The following CAAP1 variants were observed in gnomAD, a reference collection of about 807,000 sequenced individuals.
The protein encoded by CAAP1 is conserved anti-apoptotic protein.
In CAAP1, 20 loss-of-function variants were observed where a neutral mutation model predicts 34.0. The ratio of observed to expected loss-of-function variants is 0.59; its 90% CI spans 0.41 to 0.86. The LOEUF is 0.86. Ranked by LOEUF, CAAP1 falls within the 40% of genes least tolerant of loss-of-function variation. The pLI is 0.00. For missense variants in CAAP1, 538 were observed against 450.5 expected (o/e 1.19, Z -1.76); for synonymous variants, 213 against 166.7 (o/e 1.28, Z -2.14).
chr9:26,878,323 A>G (rs1436763100), intron 4 of CAAP1, among the ~76,000 whole-genome samples: 3 of 152,168 alleles, frequency 2.0e-5, no homozygotes, highest in Non-Finnish European at 4.4e-5. Flanking sequence ...TTATATATGT[A>G]TTCATGCATG....
intron 5 of CAAP1, among the ~76,000 whole-genome samples, chr9:26,844,785 C>T (rs1162064791): frequency 6.6e-6 from 1 of 152,194 alleles, no homozygotes; most frequent in African/African-American, 2.4e-5. Context: ...ATTCCCTGAA[C>T]CTAACCATTG....
chr9:26,888,048 C>G (rs950900290), intron 1 of CAAP1, among the ~76,000 whole-genome samples: 2 of 152,230 alleles, frequency 1.3e-5, no homozygotes, highest in African/African-American at 4.8e-5. Flanking sequence ...TCTCCCAACT[C>G]TATCCAGTCT....
In CAAP1 at chr9:26,841,720, A is replaced by G. The variant is rs1326772987; in HGVS notation, c.*581T>C. The stretch of plus-strand genomic sequence containing the variant: ...ATTAAACATGGGCAATTAGTTCTAC[A>G]TAGTTAAAAATTGCCTTAAATTAAT... On this transcript the variant is annotated 3_prime_UTR_variant, in exon 6 of 6. Coordinates refer to ENST00000333916, the MANE Select transcript of CAAP1 (RefSeq NM_024828.4). 5.2e-5 allele frequency: 8 copies of G among 152,766 alleles called. No individual in the cohort carries two copies. In the East Asian group the frequency reaches 1.5e-3, roughly 29 times the overall value. The allele number at this position is 152,766 out of a possible 1,614,324, so 9.5% of individuals were successfully genotyped here. A position where few individuals can be genotyped will look rare whatever the true frequency, so the allele number is the denominator to read the frequency against.
intron 4 of CAAP1, among the ~76,000 whole-genome samples, chr9:26,876,927 G>A (rs1414233239): frequency 6.6e-6 from 1 of 152,134 alleles, no homozygotes. Flanking sequence ...TCCAAGGTGG[G>A]AAGATCACTT....
At chr9:26,867,413 C>A (rs1294648916) in intron 4 of CAAP1, among the ~76,000 whole-genome samples, 1 of 151,982 alleles carries the variant, frequency 6.6e-6, no homozygotes, top group Admixed American at 6.6e-5. Flanking sequence ...TTAGAGCCCA[C>A]AAAAACAATA....
rs267602203 is a variant in CAAP1, at chr9:26,842,555, C to T, written c.832G>A (p.Glu278Lys). 4.3e-6 allele frequency: 7 copies of T among 1,614,134 alleles called. No individual in the cohort carries two copies. Among genetic ancestry groups the T allele is most frequent in the East Asian group, 2.2e-5 (1 of 44,878 alleles). Residue 278 changes from glutamate to lysine, a missense_variant, in exon 6 of 6, where the codon GAG (glutamate) becomes AAG (lysine). By Grantham distance (56) the Glu-to-Lys change is moderately conservative (BLOSUM62 1). Around this residue, in one of 3 missense-constraint regions of CAAP1, gnomAD observed 514 missense variants for 408.4 expected, o/e 1.26. Coordinates refer to ENST00000333916, the MANE Select transcript of CAAP1 (RefSeq NM_024828.4). ...GPCNEEAAAP[E>K]APENTVQSEA... ...CTTTGGACTGTATTTTCTGGTGCCT[C>T]GGGAGCAGCTGCTTCTTCGTTGCAT...
At chr9:26,871,218 G>A (rs945679888) in intron 4 of CAAP1, among the ~76,000 whole-genome samples, 3 of 152,150 alleles carry the variant, frequency 2.0e-5, no homozygotes, top group Non-Finnish European at 2.9e-5. Context: ...GTATTCTAAT[G>A]ACATGAGCTA....
chr9:26,877,788 T>A (rs1309148591), intron 4 of CAAP1, among the ~76,000 whole-genome samples: 1 of 152,080 alleles, frequency 6.6e-6, no homozygotes, highest in Non-Finnish European at 1.5e-5. Context: ...AAGACTTAAA[T>A]TTGTTTTTCA....
At chr9:26,886,048 T>C (rs1823730712) in intron 3 of CAAP1, 56 bp downstream of exon 3, 4 of 807,042 alleles carry the variant, frequency 5.0e-6, no homozygotes, top group Middle Eastern at 3.4e-4. Flanking sequence ...TCAGGATTTA[T>C]GCTGAATATA....
intron 5 of CAAP1, among the ~76,000 whole-genome samples, chr9:26,853,824 C>G (rs111995786): frequency 0.042 from 6,426 of 152,142 alleles, 465 homozygotes; most frequent in African/African-American, 0.15. Context: ...GGTTCAGATA[C>G]AGATAGATAT....
chr9:26,887,023 G>C lies in CAAP1; in HGVS notation c.504+290C>G, dbSNP rs188229628. 2.0e-5 allele frequency among the ~76,000 whole-genome samples: 3 copies of C among 152,130 alleles called. No individual in the cohort carries two copies. In the East Asian group the frequency reaches 5.8e-4, roughly 29 times the overall value. ...GAGGTCAGGAGTTCGAGACCAGCCT[G>C]GCCAACACGGTGAAACCCCGTCTCT... On this transcript the variant is annotated intron_variant, in intron 2 of 5. Transcript: ENST00000333916.
chr9:26,885,191 C>T (rs1313559712), intron 3 of CAAP1, among the ~76,000 whole-genome samples: 2 of 151,544 alleles, frequency 1.3e-5, no homozygotes, highest in Non-Finnish European at 2.9e-5. Context: ...ATTCTCCTGC[C>T]TCAGCCTCCC....
At chr9:26,863,894 T>A (rs1188517247) in intron 4 of CAAP1, among the ~76,000 whole-genome samples, 1 of 151,820 alleles carries the variant, frequency 6.6e-6, no homozygotes, top group Non-Finnish European at 1.5e-5. Context: ...TGTGCTCAAG[T>A]AATCTTCCTA....
At chr9:26,860,451 G>T (rs1822976882) in intron 5 of CAAP1, among the ~76,000 whole-genome samples, 1 of 152,098 alleles carries the variant, frequency 6.6e-6, no homozygotes, top group East Asian at 1.9e-4. Context: ...ACAACCCAAA[G>T]CTACCCAGTT....
intron 5 of CAAP1, among the ~76,000 whole-genome samples, chr9:26,843,050 A>G (rs1054173671): frequency 1.3e-4 from 20 of 152,214 alleles, no homozygotes; most frequent in African/African-American, 4.8e-4. Context: ...TTCATTCTAG[A>G]AGGTGTTTAA....
chr9:26,874,991 G>A (rs1204989795), intron 4 of CAAP1, among the ~76,000 whole-genome samples: 2 of 152,126 alleles, frequency 1.3e-5, no homozygotes, highest in African/African-American at 2.4e-5. Context: ...AATATTTAAT[G>A]TAAGAAAACT....
intron 5 of CAAP1, among the ~76,000 whole-genome samples, chr9:26,851,086 C>T (rs905776852): frequency 3.9e-5 from 6 of 152,144 alleles, no homozygotes; most frequent in African/African-American, 1.4e-4. Context: ...CATGATGGTG[C>T]TGCAAAGGCC....
chr9:26,887,451 A>T lies in CAAP1; in HGVS notation c.366T>A (p.Leu122=), dbSNP rs748460247. The part of the protein sequence containing the change: ...KELFLAEHSD[L]EEGGLDLTVS... ...CAGTCAGGTCCAGTCCACCTTCTTC[A>T]AGGTCACTGTGCTCTGCCAAGAATA... Residue 122 remains leucine (L), a synonymous_variant, in exon 2 of 6, where the codon CTT becomes CTA. Transcript: ENST00000333916. 6.2e-7 allele frequency: 1 copy of T among 1,613,688 alleles called. No homozygotes were observed. The highest frequency in any genetic ancestry group is 1.1e-5 in the South Asian group (1 of 90,896).
chr9:26,847,533 T>G (rs901445211), intron 5 of CAAP1, among the ~76,000 whole-genome samples: 1 of 152,034 alleles, frequency 6.6e-6, no homozygotes, highest in Non-Finnish European at 1.5e-5. Context: ...ATTTTTTTAA[T>G]TTACATTTAT....
Sources: allele counts gnomAD v4.1 joint callset (sites outside exome capture counted in the v4.1 genomes callset), GRCh38; gene constraint gnomAD v4.1.1; regional missense constraint gnomAD v4.1.1; transcripts MANE v1.5; gene names NCBI Gene and HGNC (gene_info 2026-07-23, HGNC 2026-07-21).